Variants in AGO2 observed in about 807,000 individuals in gnomAD.
AGO2 encodes the protein protein argonaute-2.
AGO2 carries 5 observed loss-of-function variants against 102.3 expected under a neutral mutation model. The observed-to-expected ratio is 0.05, with a 90% CI of 0.03 to 0.10. The LOEUF (loss-of-function observed/expected upper bound fraction) is 0.10, where lower values mean the gene tolerates loss of function less well. Among genes scored for constraint, AGO2 ranks in the 10% least tolerant of loss-of-function variants. The probability of loss-of-function intolerance (pLI) is 1.00; values close to 1 mark genes in which losing one functional copy is unlikely to be tolerated. For synonymous variants in AGO2, 449 were observed against 473.1 expected (o/e 0.95, Z 0.66); for missense variants, 541 against 1,183.7 (o/e 0.46, Z 7.97).
At chr8:140,598,560 G>A (rs764511025) in intron 1 of AGO2, among the ~76,000 whole-genome samples, 12 of 152,190 alleles carry the variant, frequency 7.9e-5, no homozygotes, top group African/African-American at 2.7e-4. Flanking sequence ...TCCACTCTGC[G>A]CGGCAGCACC....
At chr8:140,621,579 T>C (rs2074218165) in intron 1 of AGO2, among the ~76,000 whole-genome samples, 1 of 152,206 alleles carries the variant, frequency 6.6e-6, no homozygotes, top group Admixed American at 6.5e-5. Flanking sequence ...CTTTTCGGCC[T>C]TGTTCAATGA....
chr8:140,633,982 T>C (rs1488747211), intron 1 of AGO2, among the ~76,000 whole-genome samples: 1 of 152,198 alleles, frequency 6.6e-6, no homozygotes, highest in African/African-American at 2.4e-5. Flanking sequence ...GTGCTGTCAG[T>C]CCCATAAGCT....
At chr8:140,585,054 A>G in intron 2 of AGO2, 65 bp downstream of exon 2, 2 of 1,423,892 alleles carry the variant, frequency 1.4e-6, no homozygotes, top group South Asian at 3.0e-5. Flanking sequence ...AGAGTTGATT[A>G]GTTTAAATGC....
At position 140,635,560 on chromosome 8, in the gene AGO2, G is replaced by A; in HGVS notation, c.-54C>T. 1 of 976,106 alleles carries A rather than the reference G, an allele frequency of 1.0e-6. No homozygotes were observed. 60.5% of individuals were successfully genotyped at this position (976,106 alleles called of 1,614,324 possible). On this transcript the variant is annotated 5_prime_UTR_variant, in exon 1 of 19. Transcript: ENST00000220592. ...GAGGGGCGGCCGCGCGCGCGCCACG[G>A]GCCCCGACGCCGCGAGCCGCGAGGG... is the stretch of plus-strand genomic sequence containing the variant.
intron 11 of AGO2, 123 bp from the exon 12 acceptor site, chr8:140,549,421 A>C: frequency 1.0e-6 from 1 of 974,208 alleles, no homozygotes; most frequent in Non-Finnish European, 1.5e-6. Flanking sequence ...TGAGGTCAAA[A>C]TTGTTCTTAA....
upstream of AGO2, among the ~76,000 whole-genome samples, chr8:140,636,006 C>G (rs547599297): frequency 2.0e-5 from 3 of 150,606 alleles, no homozygotes; most frequent in African/African-American, 7.3e-5. Flanking sequence ...GGAGCCGGGC[C>G]CCCCGGCTGT....
At chr8:140,552,736 G>A (rs575877617) in intron 10 of AGO2, among the ~76,000 whole-genome samples, 17 of 132,998 alleles carry the variant, frequency 1.3e-4, no homozygotes, top group South Asian at 5.0e-4. Flanking sequence ...GCACGCGCGC[G>A]CGCGCACACA....
chr8:140,568,032 G>T (rs2073316376), intron 3 of AGO2, among the ~76,000 whole-genome samples: 4 of 150,898 alleles, frequency 2.7e-5, no homozygotes, highest in Admixed American at 1.3e-4. Context: ...GGCCCAGGCA[G>T]GTGGATCACA....
In AGO2 at chr8:140,553,359, G is replaced by T. The variant is rs12542201; in HGVS notation, c.1270-1923C>A. ...TGACCGCGTCACTGCACTGGAGCCA[G>T]GGCAACAGAGAAACACTCTGCCTCA... is the stretch of plus-strand genomic sequence containing the variant. On this transcript the variant is annotated intron_variant, in intron 10 of 18. Coordinates refer to ENST00000220592, the MANE Select transcript of AGO2 (RefSeq NM_012154.5). 7.9e-5 allele frequency among the ~76,000 whole-genome samples: 12 copies of T among 151,496 alleles called. No homozygotes were observed. The South Asian group carries it at 1.2e-3, about 16-fold the overall frequency.
chr8:140,631,463 G>A (rs1563661766), intron 1 of AGO2, among the ~76,000 whole-genome samples: 1 of 151,892 alleles, frequency 6.6e-6, no homozygotes, highest in Non-Finnish European at 1.5e-5. Flanking sequence ...GAACCCGGGA[G>A]GAGGAGGAGG....
Position 140,556,185 on chromosome 8 carries a change from T to C in AGO2, c.1128A>G (p.Gln376=). Residue 376 remains glutamine (Q), a synonymous_variant, in exon 9 of 19, where the codon CAA becomes CAG. Transcript: ENST00000220592. The part of the protein sequence containing the change: ...RATARSAPDR[Q]EEISKLMRSA... ...CACTCACCAATTTGCTAATCTCTTC[T>C]TGCCGATCGGGCGCCGACCTAGCAG... 16 of 1,614,258 alleles carry C rather than the reference T, an allele frequency of 9.9e-6. No individual in the cohort carries two copies. The highest frequency in any genetic ancestry group is 4.5e-5 in the East Asian group (2 of 44,886).
chr8:140,535,326 G>T (rs2072677783), intron 17 of AGO2, 142 bp downstream of exon 17: 2 of 839,752 alleles, frequency 2.4e-6, no homozygotes, highest in Non-Finnish European at 3.8e-6. Flanking sequence ...GGCACAGCCT[G>T]GGCTCCCCGG....
intron 1 of AGO2, among the ~76,000 whole-genome samples, chr8:140,605,100 T>C (rs73362386): frequency 0.13 from 20,320 of 152,206 alleles, 1,695 homozygotes; most frequent in African/African-American, 0.23. Context: ...ATACAAGTTT[T>C]TTTTCTTCTT....
At position 140,635,594 on chromosome 8, in the gene AGO2, G is replaced by A. The variant is rs2152113421; in HGVS notation, c.-88C>T. On this transcript the variant is annotated 5_prime_UTR_variant, in exon 1 of 19. Transcript: ENST00000220592. Reference sequence around the variant, plus strand: ...GCCGCGAGCCGCGAGGGAGCCGCCGGCCGCACGATCCGCCCCGGCGCGGCC... The same window carrying A: ...GCCGCGAGCCGCGAGGGAGCCGCCGACCGCACGATCCGCCCCGGCGCGGCC... 1.1e-6 allele frequency: 1 copy of A among 914,012 alleles called. No individual in the cohort carries two copies. Among genetic ancestry groups the A allele is most frequent in the African/African-American group, 1.8e-5 (1 of 55,360 alleles). The allele number at this position is 914,012 out of a possible 1,614,324, so 56.6% of individuals were successfully genotyped here. A position where few individuals can be genotyped will look rare whatever the true frequency, so the allele number is the denominator to read the frequency against.
intron 8 of AGO2, among the ~76,000 whole-genome samples, chr8:140,556,626 C>T (rs367743419): frequency 1.3e-5 from 2 of 152,118 alleles, no homozygotes; most frequent in African/African-American, 4.8e-5. Context: ...GCTGCAGGTG[C>T]GAAAGACGTC....
chr8:140,634,955 C>G (rs1246352461), intron 1 of AGO2, among the ~76,000 whole-genome samples: 1 of 151,994 alleles, frequency 6.6e-6, no homozygotes, highest in Non-Finnish European at 1.5e-5. Flanking sequence ...GGGTCGGGAC[C>G]GGCGCAGCCC....
intron 1 of AGO2, among the ~76,000 whole-genome samples, chr8:140,611,719 G>A (rs2074081017): frequency 1.3e-5 from 2 of 152,150 alleles, no homozygotes; most frequent in Admixed American, 1.3e-4. Flanking sequence ...CTACCCCAAG[G>A]AGAGGCACTT....
Position 140,541,539 on chromosome 8 carries a change from T to C in AGO2, c.1840-181A>G, listed in dbSNP as rs1407244322. 20 of 575,712 alleles carry C rather than the reference T, an allele frequency of 3.5e-5. 1 individual carries two copies. The highest frequency in any genetic ancestry group is 1.7e-4 in the African/African-American group (9 of 52,730). 35.7% of individuals were successfully genotyped at this position (575,712 alleles called of 1,614,324 possible). ...CCTTTAGGCTTTTGGTGTCTGGCAA[T>C]AGTGTTCGTAAATACGTACTGAAGT... On this transcript the variant is annotated intron_variant, in intron 14 of 18. Transcript: ENST00000220592.
At chr8:140,565,675 T>C (rs1366193119) in intron 3 of AGO2, among the ~76,000 whole-genome samples, 1 of 151,532 alleles carries the variant, frequency 6.6e-6, no homozygotes, top group African/African-American at 2.4e-5. Context: ...AAGAATAAAC[T>C]ATATAATACA....
Sources: gnomAD v4.1 joint callset for allele counts (sites outside exome capture counted in the v4.1 genomes callset) on GRCh38, gnomAD v4.1.1 for gene constraint, MANE v1.5 for transcripts, NCBI Gene and HGNC (gene_info 2026-07-23, HGNC 2026-07-21) for gene names.